CDH13: variants seen among roughly 807,000 people sequenced by gnomAD.
CDH13 encodes the protein cadherin-13.
A neutral mutation model predicts 63.8 loss-of-function variants in CDH13; 24 were observed. The ratio of observed to expected loss-of-function variants is 0.38; its 90% CI spans 0.27 to 0.53. The LOEUF (loss-of-function observed/expected upper bound fraction) is 0.53. Among genes scored for constraint, CDH13 ranks in the 20% least tolerant of loss-of-function variants. The pLI, the probability that CDH13 is intolerant of heterozygous loss-of-function variation, is 0.85. For synonymous variants in CDH13, 503 were observed against 355.3 expected (o/e 1.42, Z -4.67); for missense variants, 1,049 against 903.1 (o/e 1.16, Z -2.07).
chr16:83,294,616 G>GTATATA (rs137898983), intron 5 of CDH13, among the ~76,000 whole-genome samples: 1 of 150,178 alleles, frequency 6.7e-6, no homozygotes, highest in African/African-American at 2.4e-5. Context: ...GTGTGTGTGT[G>GTATATA]TGTATATATA....
intron 2 of CDH13, among the ~76,000 whole-genome samples, chr16:82,963,780 A>G (rs908615473): frequency 2.0e-5 from 3 of 152,128 alleles, no homozygotes; most frequent in African/African-American, 7.2e-5. Flanking sequence ...TGAAGTACCC[A>G]TTTCCCCTTG....
intron 5 of CDH13, among the ~76,000 whole-genome samples, chr16:83,311,156 C>G (rs867866044): frequency 9.2e-5 from 14 of 152,292 alleles, no homozygotes; most frequent in Middle Eastern, 3.4e-3. Flanking sequence ...CTGACTGGGT[C>G]TCAAGTTCCT....
intron 1 of CDH13, among the ~76,000 whole-genome samples, chr16:82,708,384 C>T (rs1391935726): frequency 2.6e-5 from 4 of 152,166 alleles, no homozygotes; most frequent in African/African-American, 9.7e-5. Flanking sequence ...CACTGAACAA[C>T]CAGGCATCAG....
intron 1 of CDH13, among the ~76,000 whole-genome samples, chr16:82,835,480 T>G (rs1304839006): frequency 6.6e-6 from 1 of 152,238 alleles, no homozygotes; most frequent in Non-Finnish European, 1.5e-5. Flanking sequence ...TTTCCTGGGA[T>G]GTGCTTCCTG....
At chr16:82,931,974 C>T (rs1364725858) in intron 2 of CDH13, among the ~76,000 whole-genome samples, 1 of 152,066 alleles carries the variant, frequency 6.6e-6, no homozygotes, top group Non-Finnish European at 1.5e-5. Context: ...GTTCAGAAAG[C>T]ATCTTCAGAA....
At chr16:83,037,478 C>T (rs1916964719) in intron 3 of CDH13, among the ~76,000 whole-genome samples, 1 of 152,126 alleles carries the variant, frequency 6.6e-6, no homozygotes, top group South Asian at 2.1e-4. Flanking sequence ...TGGAGGGAAA[C>T]CAGAAGCAAG....
intron 8 of CDH13, among the ~76,000 whole-genome samples, chr16:83,648,482 C>G (rs1047315297): frequency 1.3e-5 from 2 of 152,026 alleles, no homozygotes; most frequent in Non-Finnish European, 2.9e-5. Context: ...TTCCTGCCAC[C>G]CCTCCTCCCT....
chr16:83,418,571 T>C (rs112833233), intron 6 of CDH13, among the ~76,000 whole-genome samples: 3,384 of 152,310 alleles, frequency 0.022, 145 homozygotes, highest in African/African-American at 0.077. Context: ...TTTGATCCGA[T>C]GTCTTGGACA....
chr16:83,646,710 A>AAAAAAAAAAAC (rs1567478069), intron 8 of CDH13, among the ~76,000 whole-genome samples: 2 of 76,716 alleles, frequency 2.6e-5, no homozygotes, highest in African/African-American at 4.0e-5. Context: ...AAAAAAAAAA[A>AAAAAAAAAAAC]AAACACACAC....
chr16:83,693,165 A>G (rs1228443034), intron 10 of CDH13, among the ~76,000 whole-genome samples: 1 of 152,080 alleles, frequency 6.6e-6, no homozygotes, highest in Non-Finnish European at 1.5e-5. Flanking sequence ...ACAAATCCCC[A>G]CTTGTCCATC....
At chr16:83,512,667 CAATAAT>C (rs147859131) in intron 7 of CDH13, among the ~76,000 whole-genome samples, 5 of 148,848 alleles carry the variant, frequency 3.4e-5, no homozygotes, top group Admixed American at 6.7e-5. Context: ...GACTCCGTCT[CAATAAT>C]AATAATAATA....
At position 82,888,477 on chromosome 16, in the gene CDH13, T is replaced by C. The variant is rs535748114; in HGVS notation, c.157+30004T>C. On this transcript the variant is annotated intron_variant, in intron 2 of 13. Transcript: ENST00000567109. ...ACAGGGCAAATGCCCCAGTGCTCTC[T>C]GTCCCTGCTGCCTCTGGCAGCCACT... Among the ~76,000 whole-genome samples, 3 of 152,352 alleles carry C rather than the reference T, an allele frequency of 2.0e-5. No individual in the cohort carries two copies. In the South Asian group the frequency reaches 6.2e-4, roughly 32 times the overall value.
chr16:83,073,079 G>A (rs1597275314), intron 3 of CDH13, among the ~76,000 whole-genome samples: 4 of 152,096 alleles, frequency 2.6e-5, no homozygotes, highest in South Asian at 2.1e-4. Flanking sequence ...GGTAGCTCAC[G>A]AACTCCTCGT....
intron 4 of CDH13, among the ~76,000 whole-genome samples, chr16:83,153,928 G>A (rs947202628): frequency 6.6e-6 from 1 of 152,176 alleles, no homozygotes; most frequent in Non-Finnish European, 1.5e-5. Context: ...GAGTAGGGAA[G>A]AATGAAGTTC....
rs1461524935 is a variant in CDH13 at position 83,511,080 on chromosome 16, G to A, written c.960+24425G>A. On this transcript the variant is annotated intron_variant, in intron 7 of 13. Coordinates refer to ENST00000567109, the MANE Select transcript of CDH13 (RefSeq NM_001257.5). Reference sequence around the variant, plus strand: ...CACACAGACACGCACACACATGCACGCATGCACACACACATGCACACATGC... The same window carrying A: ...CACACAGACACGCACACACATGCACACATGCACACACACATGCACACATGC... Among the ~76,000 whole-genome samples, 34 of 123,900 alleles carry A rather than the reference G, an allele frequency of 2.7e-4. No individual in the cohort carries two copies. The East Asian group carries it at 5.2e-3, about 19-fold the overall frequency. The allele number at this position is 123,900 out of a possible 152,430, so 81.3% of individuals were successfully genotyped here.
At chr16:83,263,837 C>G (rs974961780) in intron 5 of CDH13, among the ~76,000 whole-genome samples, 1 of 152,050 alleles carries the variant, frequency 6.6e-6, no homozygotes, top group Non-Finnish European at 1.5e-5. Flanking sequence ...AGGTTGACGG[C>G]TAGAGACACT....
At chr16:83,165,277 T>A (rs2151718493) in intron 4 of CDH13, among the ~76,000 whole-genome samples, 1 of 152,090 alleles carries the variant, frequency 6.6e-6, no homozygotes, top group South Asian at 2.1e-4. Context: ...ACAAAAAGGA[T>A]TCTGTTGGCA....
intron 5 of CDH13, among the ~76,000 whole-genome samples, chr16:83,298,456 G>C (rs2089655395): frequency 1.3e-5 from 2 of 152,144 alleles, no homozygotes; most frequent in South Asian, 2.1e-4. Context: ...CGGATTCCTA[G>C]GCCCTACCTC....
chr16:83,096,248 A>G (rs1217385326), intron 3 of CDH13, among the ~76,000 whole-genome samples: 3 of 152,204 alleles, frequency 2.0e-5, no homozygotes, highest in Non-Finnish European at 2.9e-5. Context: ...GAGTTCAGCA[A>G]CCGACCATCA....
Sources: allele counts gnomAD v4.1 joint callset (sites outside exome capture counted in the v4.1 genomes callset), GRCh38; gene constraint gnomAD v4.1.1; transcripts MANE v1.5; gene names NCBI Gene and HGNC (gene_info 2026-07-23, HGNC 2026-07-21).